CNTNAP3: variants seen among roughly 807,000 people sequenced by gnomAD.
The protein encoded by CNTNAP3 is contactin associated protein family member 3.
Under a neutral mutation model 92.1 loss-of-function variants are expected in CNTNAP3, and 36 were observed. The ratio of observed to expected loss-of-function variants is 0.39; its 90% confidence interval spans 0.30 to 0.52. CNTNAP3 has a LOEUF of 0.52. Ranked by LOEUF, CNTNAP3 falls within the 20% of genes least tolerant of loss-of-function variation. The probability of loss-of-function intolerance (pLI) is 0.76; values close to 1 mark genes in which losing one functional copy is unlikely to be tolerated. For synonymous variants in CNTNAP3, 232 were observed against 422.3 expected (o/e 0.55, Z 5.53); for missense variants, 534 against 1,069.6 (o/e 0.50, Z 6.98).
rs1237172305 is a variant in CNTNAP3, at chr9:39,066,407, A to AT, written c.*7482dup. ...TAAGTAATAAGGGCAGGTATTGTAT[A>AT]TTTACTTATGGTGTTACTATTGCCA... On this transcript the variant is annotated 3_prime_UTR_variant, in exon 24 of 24. Coordinates refer to ENST00000297668, the MANE Select transcript of CNTNAP3 (RefSeq NM_033655.5). Among the ~76,000 whole-genome samples the AT allele has an allele frequency of 1.3e-5, 2 of 152,122 alleles. No individual in the cohort carries two copies.
chr9:39,120,903 T>C (rs2778184), intron 13 of CNTNAP3, among the ~76,000 whole-genome samples: 2 of 152,102 alleles, frequency 1.3e-5, no homozygotes, highest in Non-Finnish European at 2.9e-5. Context: ...GACACAAAAA[T>C]TGTAATACCA....
intron 12 of CNTNAP3, 81 bp downstream of exon 12, chr9:39,140,438 G>A: frequency 6.4e-7 from 1 of 1,563,666 alleles, no homozygotes; most frequent in Non-Finnish European, 8.6e-7. Flanking sequence ...CTATCAAACT[G>A]CATGTTTTAA....
chr9:39,121,259 G>T (rs1587718330), intron 13 of CNTNAP3, among the ~76,000 whole-genome samples: 1 of 151,882 alleles, frequency 6.6e-6, no homozygotes, highest in Non-Finnish European at 1.5e-5. Context: ...AAGCAGAATG[G>T]CTATCTCATA....
intron 4 of CNTNAP3, among the ~76,000 whole-genome samples, chr9:39,184,028 C>G (rs530567060): frequency 6.8e-6 from 1 of 147,318 alleles, no homozygotes; most frequent in Non-Finnish European, 1.5e-5. Flanking sequence ...TGTATGTGTT[C>G]TTTTGTGTCT....
At chr9:39,101,796 T>C (rs1244054147) in intron 17 of CNTNAP3, among the ~76,000 whole-genome samples, 1 of 151,570 alleles carries the variant, frequency 6.6e-6, no homozygotes, top group Non-Finnish European at 1.5e-5. Flanking sequence ...TGGATAAAAA[T>C]GTCTAATGAT....
Position 39,070,001 on chromosome 9 carries a change from A to G in CNTNAP3, c.*3889T>C, listed in dbSNP as rs1825606326. Among the ~76,000 whole-genome samples the G allele has an allele frequency of 6.6e-6, 1 of 151,000 alleles. No homozygotes were observed. The highest frequency in any genetic ancestry group is 2.4e-5 in the African/African-American group (1 of 40,978). On this transcript the variant is annotated 3_prime_UTR_variant, in exon 24 of 24. Transcript: ENST00000297668. ...AGATTGGCCAATGAGGTAGTAGGTT[A>G]AACAGCCAATTCATCATGTTTTGAT...
chr9:39,076,350 A>G (rs1825763233), intron 23 of CNTNAP3, among the ~76,000 whole-genome samples: 1 of 152,310 alleles, frequency 6.6e-6, no homozygotes, highest in African/African-American at 2.4e-5. Context: ...ATCTCCTAAA[A>G]AGGCATGATT....
At chr9:39,076,070 CCT>C (rs1355359101) in intron 23 of CNTNAP3, among the ~76,000 whole-genome samples, 14 of 152,288 alleles carry the variant, frequency 9.2e-5, no homozygotes, top group African/African-American at 3.4e-4. Context: ...CTTTTCATCC[CCT>C]CGTTCAGGCT....
intron 21 of CNTNAP3, among the ~76,000 whole-genome samples, chr9:39,079,296 T>A (rs1449080678): frequency 1.3e-5 from 2 of 151,680 alleles, no homozygotes; most frequent in African/African-American, 2.4e-5. Flanking sequence ...TCCGGAGGAT[T>A]ACAGAAAAGC....
At position 39,140,625 on chromosome 9, in the gene CNTNAP3, C is replaced by G; in HGVS notation, c.1770G>C (p.Gln590His). The change falls in exon 12 of 24, where the codon CAG becomes CAC. Residue 590 changes from glutamine to histidine, a missense_variant. Gln to His is a conservative substitution (Grantham distance 24). Transcript: ENST00000297668. The stretch of plus-strand genomic sequence containing the variant: ...CTCGGTGCTTGTGGGCTTCACAAGA[C>G]TGCTCGTAGAGAGCTGTAGGAGAAC... Reference protein sequence around the residue: ...GETCHSSLYEQSCEAHKHRGN... With the variant: ...GETCHSSLYEHSCEAHKHRGN... 6.2e-7 allele frequency: 1 copy of G among 1,610,462 alleles called. No homozygotes were observed. The highest frequency in any genetic ancestry group is 8.5e-7 in the Non-Finnish European group (1 of 1,178,920).
At chr9:39,217,358 G>GTATATATATATATA (rs58203008) in intron 3 of CNTNAP3, among the ~76,000 whole-genome samples, 3 of 4,242 alleles carry the variant, frequency 7.1e-4, no homozygotes, top group African/African-American at 1.0e-3. Flanking sequence ...ATTTACATGA[G>GTATATATATATATA]TATATATATA....
chr9:39,148,954 C>A (rs905592158), intron 10 of CNTNAP3, among the ~76,000 whole-genome samples: 1 of 152,132 alleles, frequency 6.6e-6, no homozygotes, highest in African/African-American at 2.4e-5. Context: ...TTCTTCTCAG[C>A]CAAAATCTTT....
In CNTNAP3 at chr9:39,133,095, G is replaced by A. The variant is rs773012879; in HGVS notation, c.1917C>T (p.Asp639=). Residue 639 remains aspartate, a synonymous_variant, in exon 13 of 24, where the codon GAC becomes GAT. Coordinates refer to ENST00000297668, the MANE Select transcript of CNTNAP3 (RefSeq NM_033655.5). ...TGGGGGCACCTCGGAGGGTCACCGCGTCGGGGCCACCGTGCTGCACCACCG... is the reference window on the plus strand; with the variant it reads ...TGGGGGCACCTCGGAGGGTCACCGCATCGGGGCCACCGTGCTGCACCACCG... ...AWTVVQHGGP[D]AVTLRGAPSG... 16 of 1,572,228 alleles carry A rather than the reference G, an allele frequency of 1.0e-5. No homozygotes were observed. In the African/African-American group the frequency reaches 1.6e-4, roughly 16 times the overall value.
At chr9:39,125,637 G>C (rs555710454) in intron 13 of CNTNAP3, among the ~76,000 whole-genome samples, 1 of 152,050 alleles carries the variant, frequency 6.6e-6, no homozygotes. Flanking sequence ...GCTAGAGAAA[G>C]ATATACCATG....
Position 39,068,553 on chromosome 9 carries a change from T to C in CNTNAP3, c.*5337A>G, listed in dbSNP as rs1277686751. 6.6e-6 allele frequency among the ~76,000 whole-genome samples: 1 copy of C among 152,308 alleles called. No individual in the cohort carries two copies. Among genetic ancestry groups the C allele is most frequent in the Non-Finnish European group, 1.5e-5 (1 of 68,054 alleles). ...TTGATAAATGCCGCTGTAATTCTTTTGAGTGTTTCTTTCCCTTGCCTCAGG... is the reference window on the plus strand; with the variant it reads ...TTGATAAATGCCGCTGTAATTCTTTCGAGTGTTTCTTTCCCTTGCCTCAGG... On this transcript the variant is annotated 3_prime_UTR_variant, in exon 24 of 24. Transcript: ENST00000297668.
At chr9:39,082,495 A>G (rs1427908789) in intron 21 of CNTNAP3, among the ~76,000 whole-genome samples, 1 of 151,866 alleles carries the variant, frequency 6.6e-6, no homozygotes, top group Admixed American at 6.6e-5. Flanking sequence ...TATCTTCTTG[A>G]CTTTTTATAG....
rs548732941 is a variant in CNTNAP3 at position 39,100,848 on chromosome 9, G to A, written c.2756-698C>T. Reference sequence around the variant, plus strand: ...TAGTGACAAACACCATTATGAAGGCGACAATTCTCAATGTTAGGAGCATGG... The same window carrying A: ...TAGTGACAAACACCATTATGAAGGCAACAATTCTCAATGTTAGGAGCATGG... On this transcript the variant is annotated intron_variant, in intron 17 of 23. Coordinates refer to ENST00000297668, the MANE Select transcript of CNTNAP3 (RefSeq NM_033655.5). Among the ~76,000 whole-genome samples the A allele has an allele frequency of 4.9e-4, 73 of 148,056 alleles. No homozygotes were observed. In the Middle Eastern group the frequency reaches 0.017, roughly 35 times the overall value.
chr9:39,080,898 C>T (rs1825917324), intron 21 of CNTNAP3, among the ~76,000 whole-genome samples: 1 of 139,260 alleles, frequency 7.2e-6, no homozygotes, highest in Non-Finnish European at 1.6e-5. Flanking sequence ...ATCTCTTGAC[C>T]TTGTGATCTG....
chr9:39,087,979 A>T (rs907496945), intron 19 of CNTNAP3, among the ~76,000 whole-genome samples: 38 of 152,214 alleles, frequency 2.5e-4, no homozygotes, highest in African/African-American at 6.0e-4. Flanking sequence ...GATGAGATAA[A>T]GAACAGCTGT....
Sources: gnomAD v4.1 joint callset for allele counts (sites outside exome capture counted in the v4.1 genomes callset) on GRCh38, gnomAD v4.1.1 for gene constraint, MANE v1.5 for transcripts, NCBI Gene and HGNC (gene_info 2026-07-23, HGNC 2026-07-21) for gene names.